TCF4: variants seen among roughly 807,000 people sequenced by gnomAD.
TCF4 encodes the protein transcription factor 4, also known as SL3-3 enhancer factor 2.
TCF4 carries 3 observed loss-of-function variants against 82.1 expected under a neutral mutation model. That is an observed-to-expected ratio of 0.04 (90% confidence interval 0.02 to 0.09). The LOEUF (loss-of-function observed/expected upper bound fraction) is 0.09, where lower values mean the gene tolerates loss of function less well. TCF4 is among the 10% of genes least tolerant of loss of function. TCF4 has a pLI of 1.00. For synonymous variants in TCF4, 276 were observed against 309.6 expected (o/e 0.89, Z 1.14); for missense variants, 518 against 852.7 (o/e 0.61, Z 4.89).
chr18:55,321,104 T>A (rs186977022), intron 8 of TCF4, among the ~76,000 whole-genome samples: 13 of 152,308 alleles, frequency 8.5e-5, no homozygotes, highest in African/African-American at 2.9e-4. Flanking sequence ...TATCTAAGCT[T>A]ATATAATCTA....
intron 3 of TCF4, among the ~76,000 whole-genome samples, chr18:55,539,579 G>C (rs2097147180): frequency 6.6e-6 from 1 of 152,100 alleles, no homozygotes; most frequent in Non-Finnish European, 1.5e-5. Context: ...CCCAGATGAA[G>C]ATGAGCTCAC....
chr18:55,477,826 G>T (rs2096328529), intron 3 of TCF4, among the ~76,000 whole-genome samples: 1 of 152,152 alleles, frequency 6.6e-6, no homozygotes, highest in Admixed American at 6.5e-5. Flanking sequence ...GATTTCTTAG[G>T]TTTAATCACA....
chr18:55,535,273 C>G (rs1334124770), intron 3 of TCF4, among the ~76,000 whole-genome samples: 1 of 152,160 alleles, frequency 6.6e-6, no homozygotes, highest in African/African-American at 2.4e-5. Flanking sequence ...AAACTCTTAG[C>G]AGCGGACTCA....
intron 15 of TCF4, among the ~76,000 whole-genome samples, chr18:55,238,915 C>T (rs2144855550): frequency 6.6e-6 from 1 of 152,298 alleles, no homozygotes; most frequent in South Asian, 2.1e-4. Flanking sequence ...ATGAATGGGC[C>T]ACCTTAATGA....
At chr18:55,480,755 T>C (rs1036211348) in intron 3 of TCF4, among the ~76,000 whole-genome samples, 1 of 152,156 alleles carries the variant, frequency 6.6e-6, no homozygotes, top group African/African-American at 2.4e-5. Context: ...AGTATCACAG[T>C]GGTGGGGGAC....
intron 5 of TCF4, among the ~76,000 whole-genome samples, chr18:55,449,003 T>A (rs576053380): frequency 1.6e-4 from 25 of 152,252 alleles, no homozygotes; most frequent in Admixed American, 1.6e-3. Context: ...AAATGGAAAA[T>A]GTAATCACAC....
chr18:55,228,458 T>A, intron 18 of TCF4, 97 bp from the exon 19 acceptor site: 1 of 1,519,600 alleles, frequency 6.6e-7, no homozygotes, highest in Non-Finnish European at 9.0e-7. Context: ...TTTTTCTCAG[T>A]GTTTATATTA....
At chr18:55,381,448 G>A (rs540808575) in intron 6 of TCF4, among the ~76,000 whole-genome samples, 5 of 152,304 alleles carry the variant, frequency 3.3e-5, no homozygotes, top group Admixed American at 2.6e-4. Flanking sequence ...TGCTGCAATA[G>A]CTGAGCCTGC....
At position 55,587,090 on chromosome 18, in the gene TCF4, G is replaced by C; in HGVS notation, c.27C>G (p.Ala9=). 6.2e-7 allele frequency: 1 copy of C among 1,613,666 alleles called. No homozygotes were observed. Among genetic ancestry groups the C allele is most frequent in the South Asian group, 1.1e-5 (1 of 91,064 alleles). Residue 9 remains alanine, a synonymous_variant, in exon 2 of 20, where the codon GCC becomes GCG. Transcript: ENST00000354452. Reference sequence around the variant, plus strand: ...CACTCAGCTCTTTGTCCGTCCCTAAGGCAGCCATTCGCTGTTGGTGATGCA... The same window carrying C: ...CACTCAGCTCTTTGTCCGTCCCTAACGCAGCCATTCGCTGTTGGTGATGCA... MHHQQRMA[A]LGTDKELSDL...
intron 3 of TCF4, among the ~76,000 whole-genome samples, chr18:55,514,572 T>G (rs2096862215): frequency 6.6e-6 from 1 of 152,120 alleles, no homozygotes; most frequent in Non-Finnish European, 1.5e-5. Flanking sequence ...ATATAAAAAT[T>G]TAAAGAAATA....
chr18:55,337,301 T>C (rs1231324476), intron 8 of TCF4, among the ~76,000 whole-genome samples: 1 of 152,176 alleles, frequency 6.6e-6, no homozygotes, highest in East Asian at 1.9e-4. Flanking sequence ...CTTATATAAA[T>C]GGTTAGGAGT....
intron 1 of TCF4, among the ~76,000 whole-genome samples, chr18:55,634,223 T>A (rs936149627): frequency 1.3e-5 from 2 of 151,988 alleles, no homozygotes; most frequent in East Asian, 3.9e-4. Flanking sequence ...GAGCCAAGAT[T>A]GTGCCACTGC....
chr18:55,381,534 T>C (rs577118489), intron 6 of TCF4, among the ~76,000 whole-genome samples: 1 of 152,360 alleles, frequency 6.6e-6, no homozygotes, highest in East Asian at 1.9e-4. Flanking sequence ...AAGTGTGGCA[T>C]ATATTAAACC....
intron 8 of TCF4, among the ~76,000 whole-genome samples, chr18:55,313,173 A>G (rs368829175): frequency 6.6e-6 from 1 of 152,164 alleles, no homozygotes; most frequent in Admixed American, 6.5e-5. Context: ...ATACACTCCT[A>G]TGGCAACTGT....
intron 10 of TCF4, among the ~76,000 whole-genome samples, chr18:55,271,055 CG>C (rs2060243745): frequency 6.6e-6 from 1 of 152,020 alleles, no homozygotes; most frequent in Non-Finnish European, 1.5e-5. Context: ...CTGATAGTCA[CG>C]GGTATTTAAA....
intron 6 of TCF4, among the ~76,000 whole-genome samples, chr18:55,398,506 G>A (rs962560113): frequency 2.0e-5 from 3 of 152,122 alleles, no homozygotes; most frequent in Non-Finnish European, 4.4e-5. Flanking sequence ...CCAGGTGAAT[G>A]AGACGATTCA....
intron 3 of TCF4, chr18:55,550,442 C>G (rs1372374260): frequency 6.6e-6 from 1 of 152,162 alleles, no homozygotes; most frequent in Non-Finnish European, 1.5e-5. Flanking sequence ...CCTCCAATCC[C>G]TGTTGCTGAT....
At chr18:55,464,961 T>C (rs982173560) in intron 3 of TCF4, among the ~76,000 whole-genome samples, 1 of 152,212 alleles carries the variant, frequency 6.6e-6, no homozygotes, top group African/African-American at 2.4e-5. Context: ...ATACGCAGGA[T>C]GGAAAGTCTA....
At chr18:55,305,743 CT>C (rs1392712664) in intron 8 of TCF4, among the ~76,000 whole-genome samples, 1 of 152,128 alleles carries the variant, frequency 6.6e-6, no homozygotes, top group African/African-American at 2.4e-5. Flanking sequence ...CCCTAATTCT[CT>C]TTTTTTGTAA....
Sources: allele counts gnomAD v4.1 joint callset (sites outside exome capture counted in the v4.1 genomes callset), GRCh38; gene constraint gnomAD v4.1.1; transcripts MANE v1.5; gene names NCBI Gene and HGNC (gene_info 2026-07-23, HGNC 2026-07-21).